The following SEZ6L variants were observed in gnomAD, a reference collection of about 807,000 sequenced individuals.
The protein encoded by SEZ6L is seizure 6-like protein.
In SEZ6L, 37 loss-of-function variants were observed where a neutral mutation model predicts 106.2. The ratio of observed to expected loss-of-function variants is 0.35; its 90% CI spans 0.27 to 0.46. The LOEUF is 0.46. Among genes scored for constraint, SEZ6L ranks in the 20% least tolerant of loss-of-function variants. The pLI is 1.00. For missense variants in SEZ6L, 1,172 were observed against 1,332.8 expected (o/e 0.88, Z 1.88); for synonymous variants, 541 against 570.4 (o/e 0.95, Z 0.73).
intron 10 of SEZ6L, among the ~76,000 whole-genome samples, chr22:26,346,855 G>T (rs530554694): frequency 6.6e-6 from 1 of 152,092 alleles, no homozygotes. Context: ...GCCACCCAGG[G>T]CCACTTTTGC....
chr22:26,236,341 G>C (rs984616259), intron 1 of SEZ6L, among the ~76,000 whole-genome samples: 1 of 152,156 alleles, frequency 6.6e-6, no homozygotes, highest in South Asian at 2.1e-4. Context: ...GGGTATTATT[G>C]AAACTCCCTC....
chr22:26,357,822 C>T (rs1034690104), intron 12 of SEZ6L, among the ~76,000 whole-genome samples: 9 of 152,162 alleles, frequency 5.9e-5, no homozygotes, highest in African/African-American at 1.7e-4. Flanking sequence ...TTGATAAGGA[C>T]GTGGTGGATG....
At chr22:26,308,922 G>A (rs2081726836) in intron 6 of SEZ6L, among the ~76,000 whole-genome samples, 1 of 152,096 alleles carries the variant, frequency 6.6e-6, no homozygotes. Context: ...AGATATAACA[G>A]AGTCATCAGG....
intron 11 of SEZ6L, among the ~76,000 whole-genome samples, chr22:26,349,190 AC>A (rs1025643617): frequency 2.0e-5 from 3 of 152,046 alleles, no homozygotes; most frequent in African/African-American, 7.2e-5. Context: ...GACAGTGGAG[AC>A]CCACCAATCA....
At chr22:26,179,883 A>T (rs1048821781) in intron 1 of SEZ6L, among the ~76,000 whole-genome samples, 1 of 152,156 alleles carries the variant, frequency 6.6e-6, no homozygotes, top group Non-Finnish European at 1.5e-5. Flanking sequence ...GCACTCTCTA[A>T]TATGGTAGCC....
At position 26,299,127 on chromosome 22, in the gene SEZ6L, G is replaced by A; in HGVS notation, c.1306G>A (p.Ala436Thr). ...CGCTAAGATGCTGACATGCATCAATGCCTCCAAGCCGCACTGGAGCAGCCA... is the reference window on the plus strand; with the variant it reads ...CGCTAAGATGCTGACATGCATCAATACCTCCAAGCCGCACTGGAGCAGCCA... The part of the protein sequence containing the change: ...QGAKMLTCIN[A>T]SKPHWSSQEP... Residue 436 changes from alanine to threonine, a missense_variant, in exon 5 of 17, where the codon GCC becomes ACC. Physicochemically the swap from Ala to Thr is moderately conservative, Grantham distance 58. This residue lies in a region of SEZ6L where 534 missense variants were observed against 691.0 expected (regional missense o/e 0.77). Coordinates refer to ENST00000248933, the MANE Select transcript of SEZ6L (RefSeq NM_021115.5). 1 of 1,586,482 alleles carries A rather than the reference G, an allele frequency of 6.3e-7. No homozygotes were observed. Among genetic ancestry groups the A allele is most frequent in the East Asian group, 2.3e-5 (1 of 42,906 alleles).
At chr22:26,231,763 T>C (rs887455300) in intron 1 of SEZ6L, among the ~76,000 whole-genome samples, 2 of 152,346 alleles carry the variant, frequency 1.3e-5, no homozygotes, top group East Asian at 3.9e-4. Flanking sequence ...CTGCGTTTCC[T>C]TGCCTGCCCC....
chr22:26,368,081 T>C lies in SEZ6L; in HGVS notation c.2794+2515T>C, dbSNP rs1194633066. 2.6e-5 allele frequency among the ~76,000 whole-genome samples: 4 copies of C among 152,172 alleles called. No individual in the cohort carries two copies. The South Asian group carries it at 6.2e-4, about 24-fold the overall frequency. On this transcript the variant is annotated intron_variant, in intron 13 of 16. Coordinates refer to ENST00000248933, the MANE Select transcript of SEZ6L (RefSeq NM_021115.5). ...TTAACCTTTATTGCTTTAGTGCCCCTTTGAGAATCAGGCAAAAGGCTCGAA... is the reference window on the plus strand; with the variant it reads ...TTAACCTTTATTGCTTTAGTGCCCCCTTGAGAATCAGGCAAAAGGCTCGAA...
At chr22:26,206,803 G>GAA (rs754896900) in intron 1 of SEZ6L, among the ~76,000 whole-genome samples, 3 of 152,188 alleles carry the variant, frequency 2.0e-5, no homozygotes, top group Non-Finnish European at 4.4e-5. Context: ...AATTATCAGA[G>GAA]AAAGTTAGAT....
rs2146095972 is a variant in SEZ6L at position 26,380,937 on chromosome 22, A to G, written c.*642A>G. The G allele has an allele frequency of 6.6e-6, 1 of 152,310 alleles. No homozygotes were observed. The highest frequency in any genetic ancestry group is 2.1e-4 in the South Asian group (1 of 4,828). 9.4% of individuals were successfully genotyped at this position (152,310 alleles called of 1,614,324 possible). On this transcript the variant is annotated 3_prime_UTR_variant, in exon 17 of 17. Coordinates refer to ENST00000248933, the MANE Select transcript of SEZ6L (RefSeq NM_021115.5). ...TCGCTGGACAGTGACAAAACAAGAA[A>G]ACGTTTTCTTTCTAGAAAGGTGATA...
chr22:26,184,419 C>T (rs560438434), intron 1 of SEZ6L, among the ~76,000 whole-genome samples: 5 of 152,250 alleles, frequency 3.3e-5, no homozygotes, highest in African/African-American at 7.2e-5. Context: ...GCTATAGTAA[C>T]GAGCCTGCTC....
At chr22:26,220,638 G>A (rs1356182363) in intron 1 of SEZ6L, among the ~76,000 whole-genome samples, 1 of 152,124 alleles carries the variant, frequency 6.6e-6, no homozygotes, top group East Asian at 1.9e-4. Flanking sequence ...TCATCCCTAT[G>A]ATGTCACTAT....
chr22:26,245,363 G>A lies in SEZ6L; in HGVS notation c.95-47043G>A, dbSNP rs5752292. 5.5e-3 allele frequency among the ~76,000 whole-genome samples: 837 copies of A among 152,210 alleles called. 37 individuals are homozygous for A. In the East Asian group the frequency reaches 0.096, roughly 18 times the overall value. On this transcript the variant is annotated intron_variant, in intron 1 of 16. Coordinates refer to ENST00000248933, the MANE Select transcript of SEZ6L (RefSeq NM_021115.5). ...AGAGAGACGAGAGACAAAGATGTTC[G>A]GCTGGAACAGGGGTGCAGGCTCCCA...
At chr22:26,315,208 G>A (rs1013460595) in intron 9 of SEZ6L, among the ~76,000 whole-genome samples, 1 of 152,200 alleles carries the variant, frequency 6.6e-6, no homozygotes, top group Non-Finnish European at 1.5e-5. Context: ...GTCTGGGTGC[G>A]GTGGCTCATG....
At chr22:26,361,826 G>A (rs544092281) in intron 12 of SEZ6L, among the ~76,000 whole-genome samples, 122 of 152,196 alleles carry the variant, frequency 8.0e-4, no homozygotes, top group Middle Eastern at 3.4e-3. Flanking sequence ...TAAATGAAAT[G>A]ATGTGAGGTC....
chr22:26,240,271 G>C (rs1242328750), intron 1 of SEZ6L, among the ~76,000 whole-genome samples: 1 of 151,946 alleles, frequency 6.6e-6, no homozygotes, highest in African/African-American at 2.4e-5. Flanking sequence ...AAACCAAACA[G>C]CCCCTCCTCT....
chr22:26,293,275 A>G (rs2081197991), intron 2 of SEZ6L, 129 bp downstream of exon 2: 3 of 1,300,872 alleles, frequency 2.3e-6, no homozygotes, highest in Non-Finnish European at 3.0e-6. Context: ...TTGAGCACTG[A>G]CTATGAGCTT....
intron 9 of SEZ6L, among the ~76,000 whole-genome samples, chr22:26,338,012 C>A (rs1335653569): frequency 1.3e-5 from 2 of 152,172 alleles, no homozygotes; most frequent in Non-Finnish European, 2.9e-5. Flanking sequence ...TGCCACCTCA[C>A]CTCCCAACTC....
At chr22:26,274,228 G>A (rs1028016589) in intron 1 of SEZ6L, among the ~76,000 whole-genome samples, 18 of 152,192 alleles carry the variant, frequency 1.2e-4, no homozygotes, top group African/African-American at 4.1e-4. Flanking sequence ...TCCCAGAGAT[G>A]TTGAGAGGAG....
Sources: allele counts gnomAD v4.1 joint callset (sites outside exome capture counted in the v4.1 genomes callset), GRCh38; gene constraint gnomAD v4.1.1; regional missense constraint gnomAD v4.1.1; transcripts MANE v1.5; gene names NCBI Gene and HGNC (gene_info 2026-07-23, HGNC 2026-07-21).